IL7: variants seen among roughly 807,000 people sequenced by gnomAD.
IL7 encodes interleukin 7.
In IL7, 3 loss-of-function variants were observed where a neutral mutation model predicts 21.6. That is an observed-to-expected ratio of 0.14 (90% confidence interval 0.06 to 0.36). The LOEUF (loss-of-function observed/expected upper bound fraction) is 0.36. Ranked by LOEUF, IL7 falls within the 10% of genes least tolerant of loss-of-function variation. IL7 has a pLI of 1.00. For missense variants in IL7, 175 were observed against 200.2 expected (o/e 0.87, Z 0.76); for synonymous variants, 62 against 68.1 (o/e 0.91, Z 0.44).
intron 1 of IL7, among the ~76,000 whole-genome samples, chr8:78,803,433 A>G (rs1814161352): frequency 6.6e-6 from 1 of 152,232 alleles, no homozygotes; most frequent in East Asian, 1.9e-4. Context: ...CAAAGGGTAA[A>G]GAGTAACATT....
Position 78,798,118 on chromosome 8 carries a change from C to T in IL7, c.101G>A (p.Gly34Asp), listed in dbSNP as rs144725627. 31 of 1,611,498 alleles carry T rather than the reference C, an allele frequency of 1.9e-5. No homozygotes were observed. The African/African-American group carries it at 3.7e-4, about 19-fold the overall frequency. ...CATTAGAACACTCTCATATTGTTTG[C>T]CATCTTTACCTTCAATATCACAATC... is the stretch of plus-strand genomic sequence containing the variant. Reference protein sequence around the residue: ...SSDCDIEGKDGKQYESVLMVS... With the variant: ...SSDCDIEGKDDKQYESVLMVS... Residue 34 changes from glycine (G) to aspartate (D), a missense_variant, in exon 2 of 6, where the codon GGC becomes GAC. By Grantham distance (94) the Gly-to-Asp change is moderately conservative. Transcript: ENST00000263851.
intron 4 of IL7, among the ~76,000 whole-genome samples, chr8:78,677,712 C>G (rs1241913964): frequency 6.6e-6 from 1 of 151,864 alleles, no homozygotes; most frequent in African/African-American, 2.4e-5. Context: ...TGTTACAGGG[C>G]AGATAAATAT....
chr8:78,762,126 T>A, intron 2 of IL7: 1 of 1,597,322 alleles, frequency 6.3e-7, no homozygotes, highest in Non-Finnish European at 8.6e-7. Context: ...TTTATTCGTT[T>A]TCTGTGTCTA....
rs771646772 is a variant in IL7 at position 78,733,685 on chromosome 8, G to A, written c.*28C>T. 3.7e-5 allele frequency: 58 copies of A among 1,587,390 alleles called. No individual in the cohort carries two copies. The highest frequency in any genetic ancestry group is 1.7e-4 in the Middle Eastern group (1 of 5,996). ...TTCTTGGAGGATGCAGCTAAAGTTC[G>A]TGTTTCTATATTGCCACTCCATATT... On this transcript the variant is annotated 3_prime_UTR_variant, in exon 6 of 6. Coordinates refer to ENST00000263851, the MANE Select transcript of IL7 (RefSeq NM_000880.4).
chr8:78,771,014 G>T (rs960969544), intron 2 of IL7, among the ~76,000 whole-genome samples: 19 of 151,988 alleles, frequency 1.3e-4, no homozygotes, highest in Non-Finnish European at 2.4e-4. Context: ...TCATAGAAAT[G>T]ACGAACTTCA....
chr8:78,731,815 A>C (rs1310590536), downstream of IL7, among the ~76,000 whole-genome samples: 1 of 152,062 alleles, frequency 6.6e-6, no homozygotes, highest in East Asian at 1.9e-4. Flanking sequence ...GTTTGAGTCC[A>C]ATTTTTCTCA....
chr8:78,744,108 G>A (rs2130707206), intron 2 of IL7, among the ~76,000 whole-genome samples: 1 of 152,150 alleles, frequency 6.6e-6, no homozygotes, highest in South Asian at 2.1e-4. Context: ...TGCTTTTGTA[G>A]AGCAGCTGCG....
chr8:78,773,114 G>T (rs925024217), intron 2 of IL7, among the ~76,000 whole-genome samples: 7 of 152,096 alleles, frequency 4.6e-5, no homozygotes, highest in African/African-American at 1.7e-4. Flanking sequence ...AGTTCAGGTG[G>T]CTGGAGTCTA....
At chr8:78,694,218 C>G (rs1810320595) in intron 3 of IL7, among the ~76,000 whole-genome samples, 1 of 150,578 alleles carries the variant, frequency 6.6e-6, no homozygotes, top group South Asian at 2.1e-4. Flanking sequence ...ATGTAGTACT[C>G]ATAGTTGTTT....
chr8:78,759,066 C>G (rs1812453024), intron 2 of IL7, among the ~76,000 whole-genome samples: 1 of 150,166 alleles, frequency 6.7e-6, no homozygotes, highest in South Asian at 2.1e-4. Context: ...TTCCCCCCCC[C>G]ACCTTTTTTT....
At chr8:78,761,626 T>C (rs1812559874) in intron 2 of IL7, 8 of 1,612,034 alleles carry the variant, frequency 5.0e-6, no homozygotes, top group Non-Finnish European at 6.8e-6. Flanking sequence ...CTATGTCCAC[T>C]ACATCGTCAG....
chr8:78,743,558 A>C (rs551113717), intron 2 of IL7, among the ~76,000 whole-genome samples: 75 of 151,934 alleles, frequency 4.9e-4, no homozygotes, highest in Middle Eastern at 6.8e-3. Context: ...TGTTTGGTCT[A>C]TTCTACTATT....
chr8:78,783,291 T>C (rs187354723), intron 2 of IL7, among the ~76,000 whole-genome samples: 1 of 152,086 alleles, frequency 6.6e-6, no homozygotes, highest in African/African-American at 2.4e-5. Flanking sequence ...CACGGAAAAA[T>C]ATGGTTTCCT....
At chr8:78,692,171 A>G (rs549165069) in intron 3 of IL7, among the ~76,000 whole-genome samples, 3 of 152,278 alleles carry the variant, frequency 2.0e-5, no homozygotes, top group Non-Finnish European at 4.4e-5. Flanking sequence ...GACCATCATC[A>G]TCATCTCCTT....
chr8:78,725,469 C>G lies in IL7; in HGVS notation n.268-4029G>C, dbSNP rs141198472. On this transcript the variant is annotated intron_variant and non_coding_transcript_variant, in intron 3 of 6. Coordinates refer to the IL7 transcript ENST00000519833. ...CTCCAAACTTGACTATCTGGCTCTC[C>G]CAGAGATTCTATGCATTTCCCAATA... 5.1e-3 allele frequency among the ~76,000 whole-genome samples: 781 copies of G among 151,980 alleles called. 1 individual carries two copies. Among genetic ancestry groups the G allele is most frequent in the Non-Finnish European group, 9.0e-3 (610 of 67,914 alleles).
intron 3 of IL7, among the ~76,000 whole-genome samples, chr8:78,725,793 A>G (rs899895682): frequency 6.6e-6 from 1 of 152,042 alleles, no homozygotes; most frequent in African/African-American, 2.4e-5. Context: ...TATCAGTAAC[A>G]TGTATAAAAT....
chr8:78,784,701 A>C (rs1563434929), intron 2 of IL7, among the ~76,000 whole-genome samples: 1 of 152,100 alleles, frequency 6.6e-6, no homozygotes, highest in African/African-American at 2.4e-5. Flanking sequence ...AAATATGATA[A>C]TTTGAGACAG....
At chr8:78,728,735 G>T (rs531904422), downstream of IL7, among the ~76,000 whole-genome samples, 1 of 151,884 alleles carries the variant, frequency 6.6e-6, no homozygotes, top group African/African-American at 2.4e-5. Flanking sequence ...TCAGTACTTG[G>T]GGGGAGGAGA....
intron 3 of IL7, among the ~76,000 whole-genome samples, chr8:78,702,825 T>C (rs74331279): frequency 0.023 from 3,563 of 152,304 alleles, 70 homozygotes; most frequent in Middle Eastern, 0.075. Flanking sequence ...TTTGAGAGAA[T>C]ATTTGTTATG....
Sources: gnomAD v4.1 joint callset for allele counts (sites outside exome capture counted in the v4.1 genomes callset) on GRCh38, gnomAD v4.1.1 for gene constraint, MANE v1.5 for transcripts, NCBI Gene and HGNC (gene_info 2026-07-23, HGNC 2026-07-21) for gene names.